ALK: variants seen among roughly 807,000 people sequenced by gnomAD.
ALK encodes ALK tyrosine kinase receptor.
Under a neutral mutation model 163.1 loss-of-function variants are expected in ALK, and 74 were observed. That is an observed-to-expected ratio of 0.45 (90% confidence interval 0.38 to 0.55). The LOEUF is 0.55. Ranked by LOEUF, ALK falls within the 20% of genes least tolerant of loss-of-function variation. ALK has a pLI of 0.00. For missense variants in ALK, 2,063 were observed against 2,105.3 expected (o/e 0.98, Z 0.39); for synonymous variants, 960 against 843.2 (o/e 1.14, Z -2.40).
intron 4 of ALK, among the ~76,000 whole-genome samples, chr2:29,410,217 A>G (rs573261590): frequency 3.9e-5 from 6 of 152,192 alleles, no homozygotes; most frequent in African/African-American, 1.4e-4. Context: ...GCTTAGGGCA[A>G]CCCTGCCTCC....
intron 2 of ALK, among the ~76,000 whole-genome samples, chr2:29,708,042 G>T (rs992629751): frequency 6.6e-6 from 1 of 152,158 alleles, no homozygotes; most frequent in Non-Finnish European, 1.5e-5. Context: ...ACCTTTTGTT[G>T]GGATGTTACA....
intron 1 of ALK, among the ~76,000 whole-genome samples, chr2:29,902,104 C>T (rs1004681693): frequency 1.3e-5 from 2 of 152,132 alleles, no homozygotes; most frequent in Non-Finnish European, 2.9e-5. Context: ...ATCCCCATGC[C>T]CAGCCCTGAC....
intron 5 of ALK, among the ~76,000 whole-genome samples, chr2:29,380,339 C>T (rs1464609461): frequency 6.6e-6 from 1 of 151,682 alleles, no homozygotes; most frequent in African/African-American, 2.4e-5. Context: ...CTCTTGACCT[C>T]GTGATCCACC....
At chr2:29,655,203 T>C (rs1206038576) in intron 3 of ALK, among the ~76,000 whole-genome samples, 2 of 152,186 alleles carry the variant, frequency 1.3e-5, no homozygotes, top group East Asian at 3.9e-4. Flanking sequence ...AGGAAGTTCC[T>C]GTAGGTGGAA....
At chr2:29,902,207 A>C (rs1181877307) in intron 1 of ALK, among the ~76,000 whole-genome samples, 2 of 151,862 alleles carry the variant, frequency 1.3e-5, no homozygotes, top group Non-Finnish European at 2.9e-5. Context: ...TGCAAATTGA[A>C]CTCAACTCTT....
Position 29,265,437 on chromosome 2 carries a change from C to T in ALK, c.2041+9662G>A, listed in dbSNP as rs115283216. ...GACTGAATGGTCTAGTTAGTAGGAT[C>T]ACGATCATAAAGCCAGCTGAGGGGA... is the stretch of plus-strand genomic sequence containing the variant. On this transcript the variant is annotated intron_variant, in intron 11 of 28. Transcript: ENST00000389048. Among the ~76,000 whole-genome samples, 1,115 of 152,258 alleles carry T rather than the reference C, an allele frequency of 7.3e-3. 11 individuals are homozygous for T. The highest frequency in any genetic ancestry group is 0.025 in the African/African-American group (1,042 of 41,568).
intron 3 of ALK, among the ~76,000 whole-genome samples, chr2:29,646,899 C>A (rs917892131): frequency 1.3e-5 from 2 of 152,078 alleles, no homozygotes; most frequent in African/African-American, 4.8e-5. Context: ...CTATTTCTTC[C>A]TATGAGTGTA....
intron 3 of ALK, among the ~76,000 whole-genome samples, chr2:29,571,342 C>T (rs1307549751): frequency 6.6e-6 from 1 of 152,158 alleles, no homozygotes; most frequent in Non-Finnish European, 1.5e-5. Flanking sequence ...AGGGAGGGAC[C>T]TGCAATCCCC....
At chr2:29,484,461 C>G (rs920401252) in intron 4 of ALK, among the ~76,000 whole-genome samples, 1 of 152,126 alleles carries the variant, frequency 6.6e-6, no homozygotes, top group Non-Finnish European at 1.5e-5. Context: ...AAGTGTTCCT[C>G]TATTGTCAGG....
At chr2:29,288,779 C>T (rs925326209) in intron 9 of ALK, among the ~76,000 whole-genome samples, 5 of 151,396 alleles carry the variant, frequency 3.3e-5, no homozygotes, top group African/African-American at 1.2e-4. Flanking sequence ...GGTGAAATCC[C>T]ATCTCTACTA....
chr2:29,457,584 T>C (rs1320445320), intron 4 of ALK, among the ~76,000 whole-genome samples: 1 of 152,128 alleles, frequency 6.6e-6, no homozygotes, highest in Non-Finnish European at 1.5e-5. Context: ...GCGTGACTCT[T>C]TGTCTTCTTA....
chr2:29,193,892 T>C lies in ALK; in HGVS notation c.4195A>G (p.Ile1399Val). The C allele has an allele frequency of 6.2e-7, 1 of 1,614,140 alleles. No homozygotes were observed. Among genetic ancestry groups the C allele is most frequent in the African/African-American group, 1.3e-5 (1 of 75,036 alleles). Residue 1399 changes from isoleucine (I) to valine (V), a missense_variant, in exon 29 of 29, where the codon ATA (isoleucine) becomes GTA (valine). Transcript: ENST00000389048. ...DPDVINTALP[I>V]EYGPLVEEEE... is the part of the protein sequence containing the mutation. ...TCTTCCACAAGTGGACCATATTCTA[T>C]CGGCAAAGCGGTGTTGATTACATCC...
intron 3 of ALK, among the ~76,000 whole-genome samples, chr2:29,637,484 G>A (rs1676569671): frequency 2.6e-5 from 4 of 152,048 alleles, no homozygotes; most frequent in Admixed American, 1.3e-4. Context: ...ACAGGCGGGT[G>A]GATCATTTGA....
chr2:29,756,925 C>G (rs966545514), intron 1 of ALK, among the ~76,000 whole-genome samples: 1 of 152,158 alleles, frequency 6.6e-6, no homozygotes, highest in Non-Finnish European at 1.5e-5. Flanking sequence ...GCTGGCATTG[C>G]CGTGGGAGAG....
At chr2:29,814,605 A>C (rs1460874286) in intron 1 of ALK, among the ~76,000 whole-genome samples, 2 of 151,740 alleles carry the variant, frequency 1.3e-5, no homozygotes, top group Admixed American at 1.3e-4. Context: ...GCTTGCAGTG[A>C]GCCAAGATCG....
intron 1 of ALK, among the ~76,000 whole-genome samples, chr2:29,880,444 T>C (rs1666827924): frequency 6.6e-6 from 1 of 151,896 alleles, no homozygotes; most frequent in Non-Finnish European, 1.5e-5. Flanking sequence ...TGTTGGGGGG[T>C]CACAGATCCT....
At chr2:29,204,525 A>AGAGGT (rs55952932) in intron 26 of ALK, among the ~76,000 whole-genome samples, 40,208 of 151,902 alleles carry the variant, frequency 0.26, 6,603 homozygotes, top group East Asian at 0.74. Flanking sequence ...AGAAGACCAC[A>AGAGGT]GAGGTAAAGT....
chr2:29,767,097 C>A (rs1227179025), intron 1 of ALK, among the ~76,000 whole-genome samples: 1 of 152,204 alleles, frequency 6.6e-6, no homozygotes, highest in Non-Finnish European at 1.5e-5. Flanking sequence ...CTATTTATAA[C>A]TTTTAATAGG....
chr2:29,833,161 A>C (rs1409585303), intron 1 of ALK, among the ~76,000 whole-genome samples: 1 of 152,222 alleles, frequency 6.6e-6, no homozygotes, highest in South Asian at 2.1e-4. Flanking sequence ...GAAAGTGAGC[A>C]TCAGGCCCTT....
Sources: allele counts gnomAD v4.1 joint callset (sites outside exome capture counted in the v4.1 genomes callset), GRCh38; gene constraint gnomAD v4.1.1; transcripts MANE v1.5; gene names NCBI Gene and HGNC (gene_info 2026-07-23, HGNC 2026-07-21).